LIX1L: variants seen among roughly 807,000 people sequenced by gnomAD.
LIX1L encodes the protein LIX1-like protein.
Under a neutral mutation model 34.0 loss-of-function variants are expected in LIX1L, and 20 were observed. That is an observed-to-expected ratio of 0.59 (90% CI 0.41 to 0.85). The LOEUF (loss-of-function observed/expected upper bound fraction) is 0.85, where lower values mean the gene tolerates loss of function less well. LIX1L is among the 40% of genes least tolerant of loss of function. The pLI is 0.00. For synonymous variants in LIX1L, 170 were observed against 187.4 expected (o/e 0.91, Z 0.76); for missense variants, 397 against 447.0 (o/e 0.89, Z 1.01).
chr1:145,953,900 T>G (rs190968787), intron 1 of LIX1L, among the ~76,000 whole-genome samples: 4 of 152,060 alleles, frequency 2.6e-5, no homozygotes, highest in Admixed American at 2.6e-4. Context: ...CAAAAAAATT[T>G]TTTAAAATCA....
intron 2 of LIX1L, 52 bp downstream of exon 2, chr1:145,947,567 G>T: frequency 1.3e-6 from 2 of 1,580,036 alleles, no homozygotes; most frequent in Non-Finnish European, 8.7e-7. Context: ...GGAGAAAGCC[G>T]TTACTAACAT....
intron 3 of LIX1L, among the ~76,000 whole-genome samples, chr1:145,940,867 G>T (rs1157322492): frequency 6.6e-6 from 1 of 151,630 alleles, no homozygotes; most frequent in African/African-American, 2.4e-5. Flanking sequence ...TCTATTTTTA[G>T]TAGAAATGGG....
chr1:145,944,464 T>A (rs1649031867), intron 2 of LIX1L: 1 of 152,244 alleles, frequency 6.6e-6, no homozygotes, highest in Non-Finnish European at 1.5e-5. Context: ...AGACAGCATA[T>A]GAGGCTTGGT....
intron 1 of LIX1L, among the ~76,000 whole-genome samples, chr1:145,955,676 G>C (rs1553760291): frequency 6.6e-6 from 1 of 152,196 alleles, no homozygotes; most frequent in African/African-American, 2.4e-5. Flanking sequence ...GCCTGAAGCT[G>C]AACTATCTGC....
rs1241658556 is a variant in LIX1L, at chr1:145,935,368, A to T, written c.*942T>A. The T allele has an allele frequency of 1.3e-5, 2 of 152,528 alleles. No homozygotes were observed. The highest frequency in any genetic ancestry group is 2.9e-5 in the Non-Finnish European group (2 of 68,114). The allele number at this position is 152,528 out of a possible 1,614,324, so 9.4% of individuals were successfully genotyped here. On this transcript the variant is annotated 3_prime_UTR_variant, in exon 6 of 6. Coordinates refer to ENST00000604000, the MANE Select transcript of LIX1L (RefSeq NM_153713.3). ...AACAAATGAGAATCTAAGGTAGTAA[A>T]CAGCAGCAACTTAGCGGGAATAAGG...
chr1:145,957,515 G>C (rs1553760523), intron 1 of LIX1L, 121 bp downstream of exon 1: 1 of 1,301,070 alleles, frequency 7.7e-7, no homozygotes, highest in East Asian at 3.1e-5. Context: ...AGCCCAGAAG[G>C]AAACTCCCCA....
In LIX1L at chr1:145,934,478, G is replaced by C. The variant is rs1553757403; in HGVS notation, c.*1832C>G. On this transcript the variant is annotated 3_prime_UTR_variant, in exon 6 of 6. Transcript: ENST00000604000. ...AGTCCCAGCTACTAAGGAGGCTGAGGCAGGAGAGTGGCGTGAACCCGGGAG... is the reference window on the plus strand; with the variant it reads ...AGTCCCAGCTACTAAGGAGGCTGAGCCAGGAGAGTGGCGTGAACCCGGGAG... 6.6e-6 allele frequency: 1 copy of C among 151,922 alleles called. No individual in the cohort carries two copies. Among genetic ancestry groups the C allele is most frequent in the African/African-American group, 2.4e-5 (1 of 41,296 alleles). 9.4% of individuals were successfully genotyped at this position (151,922 alleles called of 1,614,324 possible).
chr1:145,947,488 A>T, intron 2 of LIX1L, 131 bp downstream of exon 2: 1 of 967,122 alleles, frequency 1.0e-6, no homozygotes, highest in Non-Finnish European at 1.5e-6. Context: ...TGCTTGCCAG[A>T]ATAATTTCCC....
At chr1:145,954,854 G>C (rs782358217) in intron 1 of LIX1L, among the ~76,000 whole-genome samples, 6 of 152,258 alleles carry the variant, frequency 3.9e-5, no homozygotes, top group African/African-American at 1.4e-4. Context: ...AAACTATCAG[G>C]ATAAGTATTA....
chr1:145,957,420 T>C (rs782145776), intron 1 of LIX1L, among the ~76,000 whole-genome samples: 11 of 152,202 alleles, frequency 7.2e-5, no homozygotes, highest in Non-Finnish European at 1.6e-4. Context: ...AAAGAGTCCC[T>C]GGAGAATATA....
chr1:145,952,900 C>T (rs1000964074), intron 1 of LIX1L, among the ~76,000 whole-genome samples: 16 of 152,040 alleles, frequency 1.1e-4, no homozygotes, highest in African/African-American at 3.6e-4. Flanking sequence ...TGTGAGTCAC[C>T]GCACCTAACC....
chr1:145,944,857 A>C (rs188251756), intron 2 of LIX1L, among the ~76,000 whole-genome samples: 2 of 152,022 alleles, frequency 1.3e-5, no homozygotes, highest in East Asian at 1.9e-4. Context: ...GCAAAACTCC[A>C]TATCTACCAA....
chr1:145,942,962 A>T (rs1648976297), intron 2 of LIX1L, 109 bp from the exon 3 acceptor site: 2 of 1,080,294 alleles, frequency 1.9e-6, no homozygotes, highest in Admixed American at 3.9e-5. Flanking sequence ...CGCTCTTTGG[A>T]TAAATCAGTT....
In LIX1L at chr1:145,951,814, A is replaced by G. The variant is rs1417656548; in HGVS notation, c.293-4032T>C. Among the ~76,000 whole-genome samples the G allele has an allele frequency of 2.0e-5, 3 of 152,194 alleles. No individual in the cohort carries two copies. In the East Asian group the frequency reaches 5.8e-4, roughly 29 times the overall value. On this transcript the variant is annotated intron_variant, in intron 1 of 5. Coordinates refer to ENST00000604000, the MANE Select transcript of LIX1L (RefSeq NM_153713.3). ...TAAAGAGGAAGAGGAGGAGACCACC[A>G]TAATTGGGAAGGTCCTATTAAAAAG...
At chr1:145,937,152 T>G (rs2101892379) in intron 4 of LIX1L, among the ~76,000 whole-genome samples, 167 bp from the exon 5 acceptor site, 1 of 149,340 alleles carries the variant, frequency 6.7e-6, no homozygotes, top group South Asian at 2.1e-4. Flanking sequence ...ATTTATTTAT[T>G]TATTTATTTA....
chr1:145,947,249 T>C lies in LIX1L; in HGVS notation c.456+370A>G, dbSNP rs114655211. On this transcript the variant is annotated intron_variant, in intron 2 of 5. Transcript: ENST00000604000. ...CTCCAACATTGCTTTCTTTAGTAAT[T>C]GCCTACGAAAAAGTACTGGAGGCAA... 1,247 of 195,466 alleles carry C rather than the reference T, an allele frequency of 6.4e-3. 16 individuals are homozygous for C. Among genetic ancestry groups the C allele is most frequent in the African/African-American group, 0.027 (1,160 of 43,736 alleles). 12.1% of individuals were successfully genotyped at this position (195,466 alleles called of 1,614,324 possible). A position where few individuals can be genotyped will look rare whatever the true frequency, so the allele number is the denominator to read the frequency against.
chr1:145,957,811 A>G lies in LIX1L; in HGVS notation c.117T>C (p.Pro39=). 1 of 1,368,522 alleles carries G rather than the reference A, an allele frequency of 7.3e-7. No individual in the cohort carries two copies. Among genetic ancestry groups the G allele is most frequent in the Non-Finnish European group, 9.4e-7 (1 of 1,065,484 alleles). 84.8% of individuals were successfully genotyped at this position (1,368,522 alleles called of 1,614,324 possible). Residue 39 remains proline (P), a synonymous_variant, in exon 1 of 6, where the codon CCT becomes CCC. Coordinates refer to ENST00000604000, the MANE Select transcript of LIX1L (RefSeq NM_153713.3). Reference sequence around the variant, plus strand: ...GCGGCGGGGCAGGCGGGGGGCCCGCAGGGGGTGTGGCGGTGGCGGCCGCGG... The same window carrying G: ...GCGGCGGGGCAGGCGGGGGGCCCGCGGGGGGTGTGGCGGTGGCGGCCGCGG... ...TGAAAATATP[P]AGPPPAPPPP...
chr1:145,944,787 G>GGAGGCC, intron 2 of LIX1L, among the ~76,000 whole-genome samples: 2 of 152,182 alleles, frequency 1.3e-5, no homozygotes, highest in South Asian at 4.1e-4. Flanking sequence ...CAGCACTTTG[G>GGAGGCC]AAGGCTGAGG....
chr1:145,952,246 A>C (rs1021104680), intron 1 of LIX1L, among the ~76,000 whole-genome samples: 7 of 152,196 alleles, frequency 4.6e-5, no homozygotes, highest in Non-Finnish European at 1.0e-4. Flanking sequence ...AAGCTTCCTA[A>C]AACTGTTAAG....
Sources: allele counts gnomAD v4.1 joint callset (sites outside exome capture counted in the v4.1 genomes callset), GRCh38; gene constraint gnomAD v4.1.1; transcripts MANE v1.5; gene names NCBI Gene and HGNC (gene_info 2026-07-23, HGNC 2026-07-21).